Variants in CNTNAP2 observed in about 807,000 individuals in gnomAD.
CNTNAP2 encodes contactin-associated protein-like 2.
In CNTNAP2, 98 loss-of-function variants were observed where a neutral mutation model predicts 155.2. The observed-to-expected ratio is 0.63, with a 90% CI of 0.54 to 0.75. CNTNAP2 has a LOEUF of 0.75. CNTNAP2 is among the 30% of genes least tolerant of loss of function. CNTNAP2 has a pLI of 0.00. For synonymous variants in CNTNAP2, 651 were observed against 631.2 expected, an observed-to-expected ratio of 1.03 and a Z score of -0.47; for missense variants, 1,727 against 1,688.1, an observed-to-expected ratio of 1.02 and a Z score of -0.40.
At chr7:147,208,250 C>A (rs1257912453) in intron 8 of CNTNAP2, among the ~76,000 whole-genome samples, 1 of 152,018 alleles carries the variant, frequency 6.6e-6, no homozygotes. Context: ...TATTACTCAG[C>A]CACTCTGTCT....
chr7:146,346,770 G>T (rs1209253795), intron 1 of CNTNAP2, among the ~76,000 whole-genome samples: 2 of 152,042 alleles, frequency 1.3e-5, no homozygotes, highest in Non-Finnish European at 2.9e-5. Context: ...TCTAACGTGG[G>T]ACAGTTCCAT....
chr7:146,843,833 G>C (rs1803791714), intron 3 of CNTNAP2, among the ~76,000 whole-genome samples: 1 of 152,038 alleles, frequency 6.6e-6, no homozygotes, highest in Middle Eastern at 3.2e-3. Context: ...TACTGGACTT[G>C]AAGAGAATTC....
intron 3 of CNTNAP2, among the ~76,000 whole-genome samples, chr7:146,867,469 C>T (rs1795226565): frequency 6.6e-6 from 1 of 152,078 alleles, no homozygotes; most frequent in African/African-American, 2.4e-5. Context: ...ATGAATAGTG[C>T]TACAATGAAC....
At chr7:146,407,923 T>C (rs1293951281) in intron 1 of CNTNAP2, among the ~76,000 whole-genome samples, 3 of 152,192 alleles carry the variant, frequency 2.0e-5, no homozygotes, top group Non-Finnish European at 4.4e-5. Context: ...CTTATTTTCT[T>C]AATAATATTT....
intron 1 of CNTNAP2, among the ~76,000 whole-genome samples, chr7:146,142,510 C>T (rs1204546355): frequency 6.6e-6 from 1 of 152,148 alleles, no homozygotes; most frequent in African/African-American, 2.4e-5. Context: ...ATGAAAGAAG[C>T]TTTCTAACAA....
intron 21 of CNTNAP2, among the ~76,000 whole-genome samples, chr7:148,269,464 CAT>C (rs994227535): frequency 2.0e-5 from 3 of 151,706 alleles, no homozygotes; most frequent in Non-Finnish European, 2.9e-5. Context: ...TGTGACATCA[CAT>C]GTTACACGTG....
intron 16 of CNTNAP2, among the ~76,000 whole-genome samples, chr7:148,128,491 T>G (rs770708250): frequency 1.3e-5 from 2 of 152,196 alleles, no homozygotes; most frequent in Non-Finnish European, 2.9e-5. Flanking sequence ...AAAATGAAAT[T>G]TGTGCTATAT....
At chr7:147,031,960 T>G (rs923530234) in intron 3 of CNTNAP2, among the ~76,000 whole-genome samples, 4 of 152,106 alleles carry the variant, frequency 2.6e-5, no homozygotes, top group African/African-American at 9.7e-5. Context: ...ATCAGAAAAG[T>G]GTATACACAC....
chr7:146,903,177 C>T (rs569383673), intron 3 of CNTNAP2, among the ~76,000 whole-genome samples: 19 of 152,298 alleles, frequency 1.2e-4, no homozygotes, highest in African/African-American at 4.3e-4. Flanking sequence ...GTGGATTACA[C>T]ACTGGCCATG....
chr7:148,268,742 C>A (rs1471665529), intron 21 of CNTNAP2, among the ~76,000 whole-genome samples: 1 of 152,088 alleles, frequency 6.6e-6, no homozygotes, highest in East Asian at 1.9e-4. Flanking sequence ...GATATTAGCC[C>A]ATTCAATCTT....
At chr7:147,798,570 T>C (rs1797938574) in intron 13 of CNTNAP2, among the ~76,000 whole-genome samples, 1 of 152,156 alleles carries the variant, frequency 6.6e-6, no homozygotes, top group Admixed American at 6.5e-5. Context: ...TCTAGACATA[T>C]AAACATTCAG....
chr7:147,039,146 C>G (rs745587510), intron 3 of CNTNAP2, among the ~76,000 whole-genome samples: 1 of 152,010 alleles, frequency 6.6e-6, no homozygotes, highest in Admixed American at 6.6e-5. Flanking sequence ...GTACATATTA[C>G]ATATAACATA....
chr7:147,243,285 C>G lies in CNTNAP2; in HGVS notation c.1349-56856C>G, dbSNP rs112303479. Among the ~76,000 whole-genome samples the G allele has an allele frequency of 2.6e-5, 4 of 152,008 alleles. 1 individual carries two copies. Among genetic ancestry groups the G allele is most frequent in the African/African-American group, 9.7e-5 (4 of 41,426 alleles). On this transcript the variant is annotated intron_variant, in intron 8 of 23. Transcript: ENST00000361727. ...TGTTGGGATTACAGGTGTGAGCCAC[C>G]GCACCCGGCCTGCTTTGCTTTTTTA...
chr7:148,137,094 C>A (rs907247262), intron 16 of CNTNAP2, among the ~76,000 whole-genome samples: 1 of 152,252 alleles, frequency 6.6e-6, no homozygotes, highest in African/African-American at 2.4e-5. Flanking sequence ...CATATGAACT[C>A]AAGGGTCTAC....
chr7:147,083,674 A>T (rs1042575386), intron 4 of CNTNAP2, among the ~76,000 whole-genome samples: 11 of 144,920 alleles, frequency 7.6e-5, no homozygotes, highest in South Asian at 2.1e-4. Flanking sequence ...TATATAATAC[A>T]TATTATATAT....
At chr7:146,220,205 T>C (rs955703236) in intron 1 of CNTNAP2, among the ~76,000 whole-genome samples, 2 of 152,308 alleles carry the variant, frequency 1.3e-5, no homozygotes, top group African/African-American at 4.8e-5. Context: ...TAATGTGATA[T>C]ATTTTGTGAC....
chr7:147,756,807 T>C (rs923968257), intron 13 of CNTNAP2, among the ~76,000 whole-genome samples: 2 of 152,196 alleles, frequency 1.3e-5, no homozygotes, highest in Admixed American at 6.5e-5. Flanking sequence ...GAGTTTTTAT[T>C]GCTCCAAAGA....
chr7:146,880,731 A>G (rs1057342612), intron 3 of CNTNAP2, among the ~76,000 whole-genome samples: 3 of 152,138 alleles, frequency 2.0e-5, no homozygotes, highest in Non-Finnish European at 2.9e-5. Flanking sequence ...TCCCATTTAT[A>G]TATTAGTAGA....
intron 1 of CNTNAP2, among the ~76,000 whole-genome samples, chr7:146,748,018 T>TG: frequency 6.6e-6 from 1 of 152,092 alleles, no homozygotes; most frequent in East Asian, 1.9e-4. Context: ...CTCCTTTTTT[T>TG]AAAAATTTTT....
Sources: gnomAD v4.1 joint callset for allele counts (sites outside exome capture counted in the v4.1 genomes callset) on GRCh38, gnomAD v4.1.1 for gene constraint, MANE v1.5 for transcripts, NCBI Gene and HGNC (gene_info 2026-07-23, HGNC 2026-07-21) for gene names.